The following NOL4L variants were observed in gnomAD, a reference collection of about 807,000 sequenced individuals.
NOL4L encodes the protein nucleolar protein 4-like.
NOL4L carries 7 observed loss-of-function variants against 64.5 expected under a neutral mutation model. The ratio of observed to expected loss-of-function variants is 0.11; its 90% confidence interval spans 0.06 to 0.20. NOL4L has a LOEUF of 0.20. Among genes scored for constraint, NOL4L ranks in the 10% least tolerant of loss-of-function variants. The pLI is 1.00. For missense variants in NOL4L, 680 were observed against 967.1 expected, an observed-to-expected ratio of 0.70 and a Z score of 3.94; for synonymous variants, 413 against 401.0, an observed-to-expected ratio of 1.03 and a Z score of -0.36.
At chr20:32,583,198 G>C (rs1980601587) in intron 1 of NOL4L, among the ~76,000 whole-genome samples, 2 of 151,698 alleles carry the variant, frequency 1.3e-5, no homozygotes, top group African/African-American at 4.8e-5. Context: ...CCGCGCTCGC[G>C]GCTCCCACTC....
In NOL4L at chr20:32,446,228, TATCAATCA is replaced by T. The variant is rs71299231; in HGVS notation, c.*1360_*1367del. On this transcript the variant is annotated 3_prime_UTR_variant, in exon 11 of 11. Transcript: ENST00000621426. ...ATTGCACTGAGCAAGAGGAAGTGCC[TATCAATCA>T]ATCAATCAGGGAGGAAGGAAACCAG... 2.0e-5 allele frequency: 3 copies of T among 151,768 alleles called. No homozygotes were observed. The highest frequency in any genetic ancestry group is 4.4e-5 in the Non-Finnish European group (3 of 68,010). The allele number at this position is 151,768 out of a possible 1,614,324, so 9.4% of individuals were successfully genotyped here.
chr20:32,490,144 A>AAC (rs543768294), intron 4 of NOL4L, among the ~76,000 whole-genome samples: 9 of 122,184 alleles, frequency 7.4e-5, no homozygotes, highest in African/African-American at 2.9e-4. Context: ...AAAAAAAAAA[A>AAC]ATATATATAC....
At position 32,456,326 on chromosome 20, in the gene NOL4L, G is replaced by A. The variant is rs148352586; in HGVS notation, c.911C>T (p.Thr304Met). 63 of 1,557,668 alleles carry A rather than the reference G, an allele frequency of 4.0e-5. No homozygotes were observed. In the African/African-American group the frequency reaches 5.2e-4, roughly 13 times the overall value. ...CTCGGGGAAGGCAGGGTCGCCCTGC[G>A]TGCTGCTCGACGTGGATGGGTTCAG... The part of the protein sequence containing the change: ...STLNPSTSSS[T>M]QGDPAFPEMN... Residue 304 changes from threonine (T) to methionine (M), a missense_variant, in exon 6 of 11, where the codon ACG becomes ATG. This residue lies in a region of NOL4L where 254 missense variants were observed against 238.7 expected (regional missense o/e 1.06). Coordinates refer to ENST00000621426, the MANE Select transcript of NOL4L (RefSeq NM_001256798.2).
In NOL4L at chr20:32,583,462, A is replaced by T. The variant is rs1600898310; in HGVS notation, c.321+1108T>A. Among the ~76,000 whole-genome samples the T allele has an allele frequency of 4.0e-5, 4 of 100,454 alleles. 1 individual carries two copies. The South Asian group carries it at 1.5e-3, about 37-fold the overall frequency. The allele number at this position is 100,454 out of a possible 152,430, so 65.9% of individuals were successfully genotyped here. On this transcript the variant is annotated intron_variant, in intron 1 of 10. Transcript: ENST00000621426. The stretch of plus-strand genomic sequence containing the variant: ...GCCGGGGGAGGAGCGCGGAGGGGGG[A>T]GCGGGGGAGCGGGGGAGGGAGGGAG...
chr20:32,453,117 C>T lies in NOL4L; in HGVS notation c.1498-111G>A. The T allele has an allele frequency of 6.7e-7, 1 of 1,496,846 alleles. No individual in the cohort carries two copies. The highest frequency in any genetic ancestry group is 1.2e-5 in the South Asian group (1 of 83,570). 92.7% of individuals were successfully genotyped at this position (1,496,846 alleles called of 1,614,324 possible). On this transcript the variant is annotated intron_variant, in intron 8 of 10. Transcript: ENST00000621426. This position sits in a 1 kb window ranked among gnomAD's most constrained non-coding sequence, Gnocchi z 5.6. ...ACAGGGTGGGGTTTGGGCTCCAGCG[C>T]CTCAGTCTATGGAGCTGTGTGATCT...
At chr20:32,475,306 A>G (rs748013719) in intron 4 of NOL4L, 1 of 985,438 alleles carries the variant, frequency 1.0e-6, no homozygotes, top group Non-Finnish European at 1.2e-6. Flanking sequence ...TGCTTCAAAG[A>G]TACGCTCTTG....
rs996050637 is a variant in NOL4L at position 32,447,429 on chromosome 20, A to T, written c.*167T>A. ...AAAAAAAAAAAAAAAAAAAAAAAAA[A>T]GTGTCCTTGTGCCCAAAGTCTCAGG... On this transcript the variant is annotated 3_prime_UTR_variant, in exon 11 of 11. Coordinates refer to ENST00000621426, the MANE Select transcript of NOL4L (RefSeq NM_001256798.2). 3 of 757,710 alleles carry T rather than the reference A, an allele frequency of 4.0e-6. No homozygotes were observed. Among genetic ancestry groups the T allele is most frequent in the Non-Finnish European group, 6.1e-6 (3 of 494,142 alleles). The allele number at this position is 757,710 out of a possible 1,614,324, so 46.9% of individuals were successfully genotyped here. A position where few individuals can be genotyped will look rare whatever the true frequency, so the allele number is the denominator to read the frequency against.
intron 1 of NOL4L, among the ~76,000 whole-genome samples, chr20:32,543,649 G>C (rs1206744657): frequency 6.6e-6 from 1 of 152,026 alleles, no homozygotes; most frequent in Non-Finnish European, 1.5e-5. Context: ...GATTAACTGG[G>C]TGTGGTGGTG....
Position 32,460,499 on chromosome 20 carries a change from C to T in NOL4L, c.842-4104G>A, listed in dbSNP as rs932322388. 2.6e-5 allele frequency among the ~76,000 whole-genome samples: 4 copies of T among 152,160 alleles called. No homozygotes were observed. Among genetic ancestry groups the T allele is most frequent in the African/African-American group, 7.2e-5 (3 of 41,422 alleles). ...GACTGGGGAGGCCACAGGTTTGAGCCGCGGAGTGGCTGGAAGAGGCTACTC... is the reference window on the plus strand; with the variant it reads ...GACTGGGGAGGCCACAGGTTTGAGCTGCGGAGTGGCTGGAAGAGGCTACTC... On this transcript the variant is annotated intron_variant, in intron 5 of 10. Transcript: ENST00000621426. The surrounding 1 kb of genome is among the most constrained non-coding windows in gnomAD (Gnocchi z 5.7).
At chr20:32,572,472 A>C (rs1364591866) in intron 1 of NOL4L, 1 of 152,182 alleles carries the variant, frequency 6.6e-6, no homozygotes, top group Non-Finnish European at 1.5e-5. Flanking sequence ...CATTTTACAG[A>C]TGTGAGAATG....
In NOL4L at chr20:32,482,005, G is replaced by T. The variant is rs755818685; in HGVS notation, c.700-7263C>A. Among the ~76,000 whole-genome samples the T allele has an allele frequency of 1.5e-3, 232 of 151,878 alleles. 3 individuals carry two copies. The highest frequency in any genetic ancestry group is 1.9e-3 in the Non-Finnish European group (132 of 67,940). ...GGCTGGGGTTGCCAGCTGATTCTGG[G>T]ATAAGTAGGGCTTTATCTCAAGGGA... On this transcript the variant is annotated intron_variant, in intron 4 of 10. Coordinates refer to ENST00000621426, the MANE Select transcript of NOL4L (RefSeq NM_001256798.2).
Position 32,498,127 on chromosome 20 carries a change from C to T in NOL4L, c.699+13220G>A, listed in dbSNP as rs547404158. 5.3e-5 allele frequency among the ~76,000 whole-genome samples: 8 copies of T among 152,288 alleles called. No individual in the cohort carries two copies. In the South Asian group the frequency reaches 1.0e-3, roughly 20 times the overall value. Reference sequence around the variant, plus strand: ...CTGGGGACAATGAGCTGTTCAGGTTCGGGGTATCTGCCAACCCCACCAGAC... The same window carrying T: ...CTGGGGACAATGAGCTGTTCAGGTTTGGGGTATCTGCCAACCCCACCAGAC... On this transcript the variant is annotated intron_variant, in intron 4 of 10. Transcript: ENST00000621426.
intron 3 of NOL4L, among the ~76,000 whole-genome samples, chr20:32,514,161 C>T (rs2017541139): frequency 6.6e-6 from 1 of 152,146 alleles, no homozygotes; most frequent in African/African-American, 2.4e-5. Flanking sequence ...GCTACCCTGT[C>T]ACATATAGAA....
chr20:32,515,343 T>C (rs1049618217), intron 3 of NOL4L, among the ~76,000 whole-genome samples: 1 of 152,114 alleles, frequency 6.6e-6, no homozygotes, highest in Admixed American at 6.5e-5. Context: ...GATTTTGCAG[T>C]TCCAGAATGA....
intron 1 of NOL4L, among the ~76,000 whole-genome samples, chr20:32,574,540 G>T (rs1979965925): frequency 6.6e-6 from 1 of 152,166 alleles, no homozygotes; most frequent in Admixed American, 6.5e-5. Flanking sequence ...CTCAGACAAG[G>T]CCGGAGGCCC....
chr20:32,509,898 T>C, intron 4 of NOL4L: 1 of 1,304,306 alleles, frequency 7.7e-7, no homozygotes, highest in Non-Finnish European at 1.0e-6. Flanking sequence ...AGCACGGTGA[T>C]AACAGTGTTT....
At chr20:32,524,501 G>C (rs896616591) in intron 2 of NOL4L, among the ~76,000 whole-genome samples, 5 of 152,088 alleles carry the variant, frequency 3.3e-5, no homozygotes, top group African/African-American at 7.2e-5. Flanking sequence ...GTCTGCCACC[G>C]CCCTGCCAGT....
chr20:32,551,391 A>G (rs906067528), intron 1 of NOL4L, among the ~76,000 whole-genome samples: 1 of 151,834 alleles, frequency 6.6e-6, no homozygotes, highest in African/African-American at 2.4e-5. Context: ...CATCATCATC[A>G]TCATCATCAT....
intron 1 of NOL4L, among the ~76,000 whole-genome samples, chr20:32,561,736 A>T (rs1979033209): frequency 6.6e-6 from 1 of 152,148 alleles, no homozygotes; most frequent in Non-Finnish European, 1.5e-5. Flanking sequence ...TGGGCAAGTT[A>T]TTTGTCTCCC....
Sources: allele counts gnomAD v4.1 joint callset (sites outside exome capture counted in the v4.1 genomes callset), GRCh38; gene constraint gnomAD v4.1.1; regional missense constraint gnomAD v4.1.1; non-coding constraint Gnocchi (gnomAD v3.1); transcripts MANE v1.5; gene names NCBI Gene and HGNC (gene_info 2026-07-23, HGNC 2026-07-21).